Variants in KCNJ6 observed in about 807,000 individuals in gnomAD.
KCNJ6 encodes the protein G protein-activated inward rectifier potassium channel 2.
Under a neutral mutation model 34.2 loss-of-function variants are expected in KCNJ6, and 9 were observed. The observed-to-expected ratio is 0.26, with a 90% CI of 0.16 to 0.46. KCNJ6 has a LOEUF of 0.46. Ranked by LOEUF, KCNJ6 falls within the 20% of genes least tolerant of loss-of-function variation. KCNJ6 has a pLI of 1.00. For synonymous variants in KCNJ6, 196 were observed against 207.1 expected (o/e 0.95, Z 0.46); for missense variants, 236 against 531.3 (o/e 0.44, Z 5.46).
chr21:37,864,935 G>T (rs966801722), intron 1 of KCNJ6, among the ~76,000 whole-genome samples: 5 of 151,044 alleles, frequency 3.3e-5, no homozygotes, highest in African/African-American at 9.8e-5. Context: ...GAAATTTGGG[G>T]CTCAAGTGAT....
intron 3 of KCNJ6, among the ~76,000 whole-genome samples, chr21:37,705,286 T>C (rs2054713797): frequency 6.6e-6 from 1 of 152,218 alleles, no homozygotes; most frequent in Non-Finnish European, 1.5e-5. Context: ...GCCCTGAGAC[T>C]GCATCCTGGC....
chr21:37,771,146 T>C (rs2055115983), intron 2 of KCNJ6, among the ~76,000 whole-genome samples: 1 of 152,198 alleles, frequency 6.6e-6, no homozygotes, highest in Admixed American at 6.5e-5. Flanking sequence ...GGCGTGGTCT[T>C]TGTTGGTCTT....
At chr21:37,881,709 T>C (rs1601515197) in intron 1 of KCNJ6, among the ~76,000 whole-genome samples, 1 of 152,284 alleles carries the variant, frequency 6.6e-6, no homozygotes. Context: ...CCTATCCTAT[T>C]GCCCTCATGA....
chr21:37,794,152 C>T (rs1037637425), intron 2 of KCNJ6, among the ~76,000 whole-genome samples: 1 of 152,228 alleles, frequency 6.6e-6, no homozygotes, highest in Non-Finnish European at 1.5e-5. Flanking sequence ...GTACTCTGCA[C>T]TGAAAGATTT....
intron 1 of KCNJ6, among the ~76,000 whole-genome samples, chr21:37,893,990 C>G (rs1304095560): frequency 2.0e-5 from 3 of 152,170 alleles, no homozygotes; most frequent in South Asian, 2.1e-4. Context: ...CTTCTGCAAT[C>G]TTAACATGAT....
chr21:37,878,490 C>G (rs1224357254), intron 1 of KCNJ6, among the ~76,000 whole-genome samples: 1 of 152,232 alleles, frequency 6.6e-6, no homozygotes, highest in African/African-American at 2.4e-5. Flanking sequence ...GGTGGGCCAG[C>G]CTGCCCTTCC....
chr21:37,845,392 C>T (rs983506351), intron 1 of KCNJ6, among the ~76,000 whole-genome samples: 8 of 151,988 alleles, frequency 5.3e-5, no homozygotes, highest in Non-Finnish European at 7.4e-5. Flanking sequence ...GAGAGAGTGG[C>T]GGGGAGAGAG....
chr21:37,874,661 C>T (rs2055668889), intron 1 of KCNJ6, among the ~76,000 whole-genome samples: 1 of 152,236 alleles, frequency 6.6e-6, no homozygotes, highest in South Asian at 2.1e-4. Flanking sequence ...CACGCCTACA[C>T]TCAGCTGTCC....
chr21:37,650,403 C>T (rs758312351), intron 3 of KCNJ6, among the ~76,000 whole-genome samples: 9 of 152,176 alleles, frequency 5.9e-5, no homozygotes, highest in African/African-American at 9.7e-5. Context: ...AATAATAATA[C>T]CTCCAGGTTG....
chr21:37,649,725 C>A (rs762228074), intron 3 of KCNJ6, among the ~76,000 whole-genome samples: 4 of 152,218 alleles, frequency 2.6e-5, no homozygotes, highest in Non-Finnish European at 4.4e-5. Flanking sequence ...CTGGGAGAAG[C>A]TGAGCTTCTT....
At chr21:37,753,641 G>T (rs1346377721) in intron 2 of KCNJ6, among the ~76,000 whole-genome samples, 1 of 152,168 alleles carries the variant, frequency 6.6e-6, no homozygotes, top group Non-Finnish European at 1.5e-5. Flanking sequence ...AATCGAAAAG[G>T]TTAAAAAAGC....
intron 2 of KCNJ6, among the ~76,000 whole-genome samples, chr21:37,760,163 C>T (rs1025250715): frequency 6.6e-6 from 1 of 152,182 alleles, no homozygotes; most frequent in African/African-American, 2.4e-5. Context: ...TCCCGACCTG[C>T]CCAGCCAAGC....
At chr21:37,725,584 C>T (rs2054850306) in intron 2 of KCNJ6, among the ~76,000 whole-genome samples, 1 of 152,180 alleles carries the variant, frequency 6.6e-6, no homozygotes, top group African/African-American at 2.4e-5. Context: ...ATAGCACAGT[C>T]TTTCCGGAAG....
rs1444386249 is a variant in KCNJ6, at chr21:37,620,739, T to G, written c.*4420A>C. The G allele has an allele frequency of 6.6e-6, 1 of 152,234 alleles. No individual in the cohort carries two copies. Among genetic ancestry groups the G allele is most frequent in the Non-Finnish European group, 1.5e-5 (1 of 68,040 alleles). 9.4% of individuals were successfully genotyped at this position (152,234 alleles called of 1,614,324 possible). A position where few individuals can be genotyped will look rare whatever the true frequency, so the allele number is the denominator to read the frequency against. On this transcript the variant is annotated 3_prime_UTR_variant, in exon 4 of 4. Transcript: ENST00000609713. Reference sequence around the variant, plus strand: ...CTCAACCTCTCATGGTGAATTAGAATGAAATAAGATAATTTGTACAAGTGC... The same window carrying G: ...CTCAACCTCTCATGGTGAATTAGAAGGAAATAAGATAATTTGTACAAGTGC...
At chr21:37,811,049 G>A (rs560811348) in intron 2 of KCNJ6, among the ~76,000 whole-genome samples, 8 of 152,132 alleles carry the variant, frequency 5.3e-5, no homozygotes, top group Admixed American at 6.5e-5. Flanking sequence ...CCGGGAAGAG[G>A]AGAGAGGCTG....
intron 2 of KCNJ6, among the ~76,000 whole-genome samples, chr21:37,819,098 T>C (rs2055361835): frequency 6.6e-6 from 1 of 152,252 alleles, no homozygotes; most frequent in South Asian, 2.1e-4. Flanking sequence ...TCATTCACAC[T>C]AGACAAGCTG....
chr21:37,823,185 A>G (rs2055382567), intron 2 of KCNJ6, among the ~76,000 whole-genome samples: 1 of 152,094 alleles, frequency 6.6e-6, no homozygotes, highest in African/African-American at 2.4e-5. Context: ...CGGCCACCCC[A>G]ACACCAGGCC....
intron 1 of KCNJ6, among the ~76,000 whole-genome samples, chr21:37,848,348 T>C (rs540654801): frequency 6.6e-6 from 1 of 152,366 alleles, no homozygotes; most frequent in Non-Finnish European, 1.5e-5. Flanking sequence ...ATATACTCAG[T>C]TAAAGTTTCT....
intron 2 of KCNJ6, among the ~76,000 whole-genome samples, chr21:37,760,716 G>A (rs1447136675): frequency 6.6e-6 from 1 of 152,206 alleles, no homozygotes; most frequent in Non-Finnish European, 1.5e-5. Context: ...GTTTTGGGAT[G>A]CAAGAAAATG....
Sources: allele counts gnomAD v4.1 joint callset (sites outside exome capture counted in the v4.1 genomes callset), GRCh38; gene constraint gnomAD v4.1.1; transcripts MANE v1.5; gene names NCBI Gene and HGNC (gene_info 2026-07-23, HGNC 2026-07-21).